Variants in AIRE observed in about 807,000 individuals in gnomAD.
AIRE encodes the protein autoimmune regulator.
AIRE carries 52 observed loss-of-function variants against 62.1 expected under a neutral mutation model. That is an observed-to-expected ratio of 0.84 (90% CI 0.67 to 1.06). AIRE has a LOEUF of 1.06. Among genes scored for constraint, AIRE ranks in the 50% least tolerant of loss-of-function variants. The pLI is 0.00. For missense variants in AIRE, 774 were observed against 755.8 expected (o/e 1.02, Z -0.28); for synonymous variants, 342 against 321.6 (o/e 1.06, Z -0.68).
chr21:44,291,159 C>T lies in AIRE; in HGVS notation c.944C>T (p.Pro315Leu). 6.2e-7 allele frequency: 1 copy of T among 1,609,456 alleles called. No individual in the cohort carries two copies. Among genetic ancestry groups the T allele is most frequent in the South Asian group, 1.1e-5 (1 of 91,042 alleles). Residue 315 changes from proline (P) to leucine (L), a missense_variant, in exon 8 of 14, where the codon CCT (proline) becomes CTT (leucine). Around this residue, in one of 3 missense-constraint regions of AIRE, gnomAD observed 35 missense variants for 63.7 expected, o/e 0.55. Coordinates refer to ENST00000291582, the MANE Select transcript of AIRE (RefSeq NM_000383.4). ...GAGCTCATCTGCTGTGACGGCTGCC[C>T]TCGGGCCTTCCACCTGGCCTGCCTG... ...GGELICCDGC[P>L]RAFHLACLSP...
intron 12 of AIRE, among the ~76,000 whole-genome samples, chr21:44,294,822 A>T (rs113799814): frequency 0.022 from 3,336 of 152,006 alleles, 127 homozygotes; most frequent in African/African-American, 0.076. Context: ...GGAGAGCGGG[A>T]GCGCCCGGCC....
chr21:44,296,826 T>TG (rs60326748), intron 13 of AIRE, among the ~76,000 whole-genome samples: 3,691 of 140,560 alleles, frequency 0.026, 63 homozygotes, highest in Non-Finnish European at 0.038. Context: ...GGCGTGGGAG[T>TG]GGGGGGGGGG....
chr21:44,297,699 C>T lies in AIRE; in HGVS notation c.1610C>T (p.Ala537Val). ...GILQWAIQSMARPAAPFPS is the reference protein window; with the variant it reads ...GILQWAIQSMVRPAAPFPS ...CTGCAGTGGGCCATCCAGAGCATGGCCCGTCCGGCGGCCCCCTTCCCCTCC... is the reference window on the plus strand; with the variant it reads ...CTGCAGTGGGCCATCCAGAGCATGGTCCGTCCGGCGGCCCCCTTCCCCTCC... Residue 537 changes from alanine to valine, a missense_variant, in exon 14 of 14, where the codon GCC (alanine) becomes GTC (valine). This residue lies in a region of AIRE where 354 missense variants were observed against 296.1 expected (regional missense o/e 1.20). Coordinates refer to ENST00000291582, the MANE Select transcript of AIRE (RefSeq NM_000383.4). The surrounding 1 kb of genome is among the most constrained non-coding windows in gnomAD (Gnocchi z 4.8). The T allele has an allele frequency of 6.2e-7, 1 of 1,612,474 alleles. No homozygotes were observed. The highest frequency in any genetic ancestry group is 1.7e-4 in the Middle Eastern group (1 of 6,058).
chr21:44,288,909 G>GCAAT (rs2040507521), intron 5 of AIRE: 1 of 187,496 alleles, frequency 5.3e-6, no homozygotes, highest in Non-Finnish European at 1.1e-5. Context: ...CTGACCCCAT[G>GCAAT]CAATCACCAG....
Position 44,289,709 on chromosome 21 carries a change from GTT to G in AIRE, c.706_707del (p.Phe236ArgfsTer34). 6.2e-7 allele frequency: 1 copy of G among 1,612,846 alleles called. No homozygotes were observed. Among genetic ancestry groups the G allele is most frequent in the Non-Finnish European group, 8.5e-7 (1 of 1,179,982 alleles). ...VGGEFYTPSK[F>X]EDSGSGKNKA... ...GCGGGGAGTTCTACACTCCCAGCAA[GTT>G]CGAAGACTCCGGCAGTGGGAAGAAC... On this transcript the variant is annotated frameshift_variant, in exon 6 of 14. Transcript: ENST00000291582. LOFTEE classifies it high-confidence loss of function.
chr21:44,294,884 A>T (rs190008493), intron 12 of AIRE, among the ~76,000 whole-genome samples: 134 of 152,116 alleles, frequency 8.8e-4, no homozygotes, highest in Admixed American at 3.1e-3. Context: ...TCTCACCCCC[A>T]GCCCTCCCTG....
At position 44,292,978 on chromosome 21, in the gene AIRE, AC is replaced by A. The variant is rs774478020; in HGVS notation, c.1096-12del. On this transcript the variant is annotated splice_polypyrimidine_tract_variant and intron_variant, in intron 9 of 13. Transcript: ENST00000291582. The stretch of plus-strand genomic sequence containing the variant: ...GGCGCCCGCTGCCCCTCTGATGCTG[AC>A]CCTTGGGTTCCAGCTCCCCCCGGGG... The A allele has an allele frequency of 6.2e-7, 1 of 1,611,230 alleles. No individual in the cohort carries two copies.
At chr21:44,296,538 GC>G in intron 13 of AIRE, 93 bp downstream of exon 13, 6 of 1,205,998 alleles carry the variant, frequency 5.0e-6, no homozygotes, top group Non-Finnish European at 7.4e-6. Flanking sequence ...AGGACTGCCG[GC>G]CCCCACTGCT....
In AIRE at chr21:44,287,971, G is replaced by A. The variant is rs1241511309; in HGVS notation, c.539-374G>A. ...CTTCTCCTTCCTTCCCAGGGCACTGGACTCCAGAGACCCCCTATCTCCCTG... is the reference window on the plus strand; with the variant it reads ...CTTCTCCTTCCTTCCCAGGGCACTGAACTCCAGAGACCCCCTATCTCCCTG... On this transcript the variant is annotated intron_variant, in intron 4 of 13. Transcript: ENST00000291582. This position sits in a 1 kb window ranked among gnomAD's most constrained non-coding sequence, Gnocchi z 4.3. 1.3e-5 allele frequency among the ~76,000 whole-genome samples: 2 copies of A among 152,068 alleles called. No individual in the cohort carries two copies. The highest frequency in any genetic ancestry group is 6.6e-5 in the Admixed American group (1 of 15,266).
rs752897977 is a variant in AIRE, at chr21:44,293,076, C to G, written c.1179C>G (p.Val393=). Residue 393 remains valine, a synonymous_variant, in exon 10 of 14, where the codon GTC becomes GTG. Coordinates refer to ENST00000291582, the MANE Select transcript of AIRE (RefSeq NM_000383.4). ...TAGCCGGCATGGACACGACTCTTGT[C>G]TACAAGCACCTGCCGGCTCCGCCTT... is the stretch of plus-strand genomic sequence containing the variant. ...EPLAGMDTTL[V]YKHLPAPPSA... The G allele has an allele frequency of 5.0e-6, 8 of 1,612,220 alleles. 1 individual carries two copies. The South Asian group carries it at 6.6e-5, about 13-fold the overall frequency.
Position 44,286,794 on chromosome 21 carries a change from C to T in AIRE, c.307+63C>T. On this transcript the variant is annotated intron_variant, in intron 2 of 13. Transcript: ENST00000291582. This position sits in a 1 kb window ranked among gnomAD's most constrained non-coding sequence, Gnocchi z 6.0. Reference sequence around the variant, plus strand: ...GGCAGCTGCTGTCACCTGCTCAGCCCAGCTGGACTGGAACCGGAGTGGTGT... The same window carrying T: ...GGCAGCTGCTGTCACCTGCTCAGCCTAGCTGGACTGGAACCGGAGTGGTGT... The T allele has an allele frequency of 1.9e-6, 3 of 1,594,086 alleles. No homozygotes were observed. Among genetic ancestry groups the T allele is most frequent in the Non-Finnish European group, 2.6e-6 (3 of 1,164,710 alleles).
chr21:44,291,358 C>A, intron 8 of AIRE, 148 bp downstream of exon 8: 1 of 1,357,360 alleles, frequency 7.4e-7, no homozygotes, highest in Non-Finnish European at 1.0e-6. Flanking sequence ...GGGGCCGGGG[C>A]CTGGGGTTTT....
chr21:44,293,359 C>T (rs576465780), intron 10 of AIRE, among the ~76,000 whole-genome samples, 184 bp downstream of exon 10: 21 of 152,134 alleles, frequency 1.4e-4, no homozygotes, highest in African/African-American at 4.3e-4. Flanking sequence ...TAGACCTCCA[C>T]TCCAGCTCCT....
Position 44,292,412 on chromosome 21 carries a change from GC to G in AIRE, c.1095+16del, listed in dbSNP as rs1238539669. ...CCCGTGGAGACCCCGGTATGGCCAC[GC>G]CCCCTCCTAGCCGGGCCACCCCTCC... On this transcript the variant is annotated intron_variant, in intron 9 of 13. Coordinates refer to ENST00000291582, the MANE Select transcript of AIRE (RefSeq NM_000383.4). 1.3e-6 allele frequency: 2 copies of G among 1,540,764 alleles called. No homozygotes were observed. The highest frequency in any genetic ancestry group is 2.4e-5 in the East Asian group (1 of 40,930).
At chr21:44,296,062 C>T (rs2040603900) in intron 12 of AIRE, among the ~76,000 whole-genome samples, 1 of 152,202 alleles carries the variant, frequency 6.6e-6, no homozygotes, top group African/African-American at 2.4e-5. Flanking sequence ...CAGGCACTTT[C>T]CTCTCTGGGC....
chr21:44,289,596 C>G, intron 5 of AIRE, 61 bp from the exon 6 acceptor site: 5 of 1,606,998 alleles, frequency 3.1e-6, no homozygotes, highest in Non-Finnish European at 3.4e-6. Flanking sequence ...GGGGCCTACA[C>G]GACTGCCAAG....
Position 44,287,666 on chromosome 21 carries a change from G to T in AIRE, c.538+75G>T. The T allele has an allele frequency of 7.0e-7, 1 of 1,420,992 alleles. No homozygotes were observed. The highest frequency in any genetic ancestry group is 9.7e-7 in the Non-Finnish European group (1 of 1,031,712). 88.0% of individuals were successfully genotyped at this position (1,420,992 alleles called of 1,614,324 possible). A position where few individuals can be genotyped will look rare whatever the true frequency, so the allele number is the denominator to read the frequency against. On this transcript the variant is annotated intron_variant, in intron 4 of 13. Coordinates refer to ENST00000291582, the MANE Select transcript of AIRE (RefSeq NM_000383.4). The surrounding 1 kb of genome is among the most constrained non-coding windows in gnomAD (Gnocchi z 4.3). The stretch of plus-strand genomic sequence containing the variant: ...GGGGTCAGGGGTCAGAGCAGGGCCT[G>T]CCCTCTGAGACCCTGTCCTAGGGGC...
Position 44,287,205 on chromosome 21 carries a change from T to C in AIRE, c.463+72T>C. 6.4e-7 allele frequency: 1 copy of C among 1,574,726 alleles called. No individual in the cohort carries two copies. Among genetic ancestry groups the C allele is most frequent in the Non-Finnish European group, 8.6e-7 (1 of 1,158,478 alleles). On this transcript the variant is annotated intron_variant, in intron 3 of 13. Coordinates refer to ENST00000291582, the MANE Select transcript of AIRE (RefSeq NM_000383.4). The surrounding 1 kb of genome is among the most constrained non-coding windows in gnomAD (Gnocchi z 4.3). ...GGCTTCCCCGGGAGCCCACGCCCCC[T>C]CCCCACCCGGGCTCCCACCCACTGG...
At chr21:44,295,118 T>A (rs751437185) in intron 12 of AIRE, among the ~76,000 whole-genome samples, 2 of 152,168 alleles carry the variant, frequency 1.3e-5, no homozygotes, top group Non-Finnish European at 2.9e-5. Context: ...CCTCTTGCCC[T>A]GACCGTCCCC....
Sources: allele counts gnomAD v4.1 joint callset (sites outside exome capture counted in the v4.1 genomes callset), GRCh38; gene constraint gnomAD v4.1.1; regional missense constraint gnomAD v4.1.1; non-coding constraint Gnocchi (gnomAD v3.1); transcripts MANE v1.5; gene names NCBI Gene and HGNC (gene_info 2026-07-23, HGNC 2026-07-21).